Variants in CR2 observed in about 807,000 individuals in gnomAD.
The protein encoded by CR2 is complement receptor type 2.
In CR2, 96 loss-of-function variants were observed where a neutral mutation model predicts 123.0. The observed-to-expected ratio is 0.78, with a 90% confidence interval of 0.66 to 0.93. CR2 has a LOEUF of 0.93. Among genes scored for constraint, CR2 ranks in the 40% least tolerant of loss-of-function variants. The probability of loss-of-function intolerance (pLI) is 0.00; values close to 1 mark genes in which losing one functional copy is unlikely to be tolerated. For synonymous variants in CR2, 484 were observed against 469.5 expected, an observed-to-expected ratio of 1.03 and a Z score of -0.40; for missense variants, 1,258 against 1,361.0, an observed-to-expected ratio of 0.92 and a Z score of 1.19.
At position 207,473,665 on chromosome 1, in the gene CR2, A is replaced by T; in HGVS notation, c.2099A>T (p.Lys700Ile). The change falls in exon 11 of 20, where the codon AAA becomes ATA. Residue 700 changes from lysine to isoleucine, a missense_variant. Lys to Ile is a moderately radical substitution (Grantham distance 102, BLOSUM62 -3). Coordinates refer to ENST00000367057, the MANE Select transcript of CR2 (RefSeq NM_001006658.3). ...CDPGYLLVGN[K>I]SIHCMPSGNW... ...CCTGGCTATTTGCTTGTGGGAAACA[A>T]ATCCATTCACTGTATGCCTTCAGGA... 6.2e-7 allele frequency: 1 copy of T among 1,614,014 alleles called. No individual in the cohort carries two copies. Among genetic ancestry groups the T allele is most frequent in the Non-Finnish European group, 8.5e-7 (1 of 1,179,896 alleles).
chr1:207,488,957 A>G (rs1193222324), intron 19 of CR2, among the ~76,000 whole-genome samples, 185 bp from the exon 20 acceptor site: 1 of 152,204 alleles, frequency 6.6e-6, no homozygotes, highest in Non-Finnish European at 1.5e-5. Flanking sequence ...AAATGTAGTT[A>G]TTTGTTCCAG....
intron 14 of CR2, 115 bp downstream of exon 14, chr1:207,475,331 A>G (rs1223345915): frequency 8.8e-7 from 1 of 1,141,724 alleles, no homozygotes; most frequent in Admixed American, 2.4e-5. Context: ...TAAGGCAGTT[A>G]TATTGTTTTA....
rs900242493 is a variant in CR2, at chr1:207,464,530, GCACCA to G, written c.59-1995_59-1991del. Among the ~76,000 whole-genome samples the G allele has an allele frequency of 2.6e-5, 4 of 152,224 alleles. 1 individual carries two copies. The highest frequency in any genetic ancestry group is 9.6e-5 in the African/African-American group (4 of 41,460). On this transcript the variant is annotated intron_variant, in intron 1 of 19. Coordinates refer to ENST00000367057, the MANE Select transcript of CR2 (RefSeq NM_001006658.3). The stretch of plus-strand genomic sequence containing the variant: ...CTCTTGGATGAGAAGTCAATGCATT[GCACCA>G]GCAAAGATAATCAAGTTGATGTCTG...
At position 207,466,780 on chromosome 1, in the gene CR2, T is replaced by A. The variant is rs1658112179; in HGVS notation, c.313T>A (p.Ser105Thr). The change falls in exon 2 of 20, where the codon TCT becomes ACT. Residue 105 changes from serine to threonine, a missense_variant. Physicochemically the swap from Ser to Thr is moderately conservative, Grantham distance 58 (BLOSUM62 1). Coordinates refer to ENST00000367057, the MANE Select transcript of CR2 (RefSeq NM_001006658.3). Reference protein sequence around the residue: ...IVPGGYKIRGSTPYRHGDSVT... With the variant: ...IVPGGYKIRGTTPYRHGDSVT... ...ACCAGGAGGATACAAAATTAGAGGCTCTACACCCTACAGACATGGTGATTC... is the reference window on the plus strand; with the variant it reads ...ACCAGGAGGATACAAAATTAGAGGCACTACACCCTACAGACATGGTGATTC... 6.2e-7 allele frequency: 1 copy of A among 1,614,132 alleles called. No homozygotes were observed. The highest frequency in any genetic ancestry group is 8.5e-7 in the Non-Finnish European group (1 of 1,179,988).
chr1:207,482,182 A>T (rs965517076), intron 18 of CR2, among the ~76,000 whole-genome samples: 1 of 152,174 alleles, frequency 6.6e-6, no homozygotes, highest in Non-Finnish European at 1.5e-5. Context: ...ATTTAAAATC[A>T]CTGAAAAATC....
intron 17 of CR2, 117 bp from the exon 18 acceptor site, chr1:207,479,861 A>G: frequency 1.3e-6 from 1 of 762,850 alleles, no homozygotes. Flanking sequence ...GTCCAAGAAG[A>G]GTTAAGTATG....
Position 207,470,186 on chromosome 1 carries a change from C to T in CR2, c.1225+84C>T, listed in dbSNP as rs1041809224. The stretch of plus-strand genomic sequence containing the variant: ...AGGGGTTGTGGGCTTTAGGTAGGGC[C>T]TTGTCCAGTTTATACTTCCCTCAAA... On this transcript the variant is annotated intron_variant, in intron 6 of 19. Coordinates refer to ENST00000367057, the MANE Select transcript of CR2 (RefSeq NM_001006658.3). 11 of 1,512,498 alleles carry T rather than the reference C, an allele frequency of 7.3e-6. No individual in the cohort carries two copies. In the African/African-American group the frequency reaches 1.4e-4, roughly 19 times the overall value. 93.7% of individuals were successfully genotyped at this position (1,512,498 alleles called of 1,614,324 possible).
chr1:207,474,338 A>G lies in CR2; in HGVS notation c.2323+15A>G. The G allele has an allele frequency of 6.3e-7, 1 of 1,575,572 alleles. No homozygotes were observed. Among genetic ancestry groups the G allele is most frequent in the South Asian group, 1.1e-5 (1 of 90,228 alleles). On this transcript the variant is annotated intron_variant, in intron 13 of 19. Coordinates refer to ENST00000367057, the MANE Select transcript of CR2 (RefSeq NM_001006658.3). ...ACTTTGTAAAGGTAAGTTAGAAAAAATAAAAGCCTGACAATGGTAATGGAG... is the reference window on the plus strand; with the variant it reads ...ACTTTGTAAAGGTAAGTTAGAAAAAGTAAAAGCCTGACAATGGTAATGGAG...
chr1:207,473,231 T>C (rs1314084826), intron 10 of CR2, 52 bp downstream of exon 10: 1 of 1,598,168 alleles, frequency 6.3e-7, no homozygotes, highest in Non-Finnish European at 8.5e-7. Context: ...ATTATTCTTG[T>C]TTATTATCTC....
In CR2 at chr1:207,469,719, C is replaced by T. The variant is rs1318931912; in HGVS notation, c.842C>T (p.Pro281Leu). The T allele has an allele frequency of 1.2e-6, 2 of 1,613,884 alleles. No homozygotes were observed. The highest frequency in any genetic ancestry group is 1.7e-4 in the Middle Eastern group (1 of 6,060). Reference protein sequence around the residue: ...CEEIFCPSPPPILNGRHIGNS... With the variant: ...CEEIFCPSPPLILNGRHIGNS... Reference sequence around the variant, plus strand: ...GAAATTTTTTGCCCATCACCTCCCCCTATTCTCAATGGAAGACATATAGGC... The same window carrying T: ...GAAATTTTTTGCCCATCACCTCCCCTTATTCTCAATGGAAGACATATAGGC... Residue 281 changes from proline to leucine, a missense_variant, in exon 6 of 20, where the codon CCT becomes CTT. By Grantham distance (98) the Pro-to-Leu change is moderately conservative. Coordinates refer to ENST00000367057, the MANE Select transcript of CR2 (RefSeq NM_001006658.3).
chr1:207,474,405 C>T, intron 13 of CR2, 82 bp downstream of exon 13: 2 of 1,014,502 alleles, frequency 2.0e-6, no homozygotes, highest in Non-Finnish European at 3.1e-6. Context: ...TCTACTGCTG[C>T]TTCAGCAGTC....
rs1348435071 is a variant in CR2, at chr1:207,470,053, A to G, written c.1176A>G (p.Arg392=). 25 of 1,613,970 alleles carry G rather than the reference A, an allele frequency of 1.5e-5. No homozygotes were observed. Among genetic ancestry groups the G allele is most frequent in the Non-Finnish European group, 2.1e-5 (25 of 1,179,896 alleles). ...CCTTGAAGGGCAGCAAGCAAATCCGATGCAATGCCCAAGGCACATGGGAGC... is the reference window on the plus strand; with the variant it reads ...CCTTGAAGGGCAGCAAGCAAATCCGGTGCAATGCCCAAGGCACATGGGAGC... ...GFTLKGSKQI[R]CNAQGTWEPS... Residue 392 remains arginine, a synonymous_variant, in exon 6 of 20, where the codon CGA becomes CGG. Transcript: ENST00000367057.
Position 207,466,534 on chromosome 1 carries a change from T to C in CR2, c.67T>C (p.Cys23Arg), listed in dbSNP as rs749326100. 13 of 1,613,992 alleles carry C rather than the reference T, an allele frequency of 8.1e-6. No individual in the cohort carries two copies. The highest frequency in any genetic ancestry group is 7.6e-6 in the Non-Finnish European group (9 of 1,179,992). ...LVAPGVLGIS[C>R]GSPPPILNGR... ...CCTTTTCTACTTTTCAGGGATTTCT[T>C]GTGGCTCTCCTCCGCCTATCCTAAA... Residue 23 changes from cysteine (C) to arginine (R), a missense_variant, in exon 2 of 20, where the codon TGT (cysteine) becomes CGT (arginine). Transcript: ENST00000367057.
Position 207,454,618 on chromosome 1 carries a change from A to G in CR2, c.58+142A>G, listed in dbSNP as rs1657783729. The G allele has an allele frequency of 1.5e-6, 1 of 668,968 alleles. No individual in the cohort carries two copies. The highest frequency in any genetic ancestry group is 2.5e-6 in the Non-Finnish European group (1 of 405,708). The allele number at this position is 668,968 out of a possible 1,614,324, so 41.4% of individuals were successfully genotyped here. On this transcript the variant is annotated intron_variant, in intron 1 of 19. Coordinates refer to ENST00000367057, the MANE Select transcript of CR2 (RefSeq NM_001006658.3). The surrounding 1 kb of genome is among the most constrained non-coding windows in gnomAD (Gnocchi z 4.3). ...GTCCGCCTCCCGCTAGCTTTGAGGGACCACTGCAATAAACCGCCTGGTCCT... is the reference window on the plus strand; with the variant it reads ...GTCCGCCTCCCGCTAGCTTTGAGGGGCCACTGCAATAAACCGCCTGGTCCT...
chr1:207,475,209 CA>C lies in CR2; in HGVS notation c.2715del (p.Ala906ProfsTer3). On this transcript the variant is annotated frameshift_variant, in exon 14 of 20. Transcript: ENST00000367057. LOFTEE classifies it high-confidence loss of function. The part of the protein sequence containing the change: ...TWVPGVPTCI[K>X]KAFIGCPPPP... The stretch of plus-strand genomic sequence containing the variant: ...GGGTGCCAGGTGTGCCAACTTGTAT[CA>C]AAAAAGGTAAGATACTTGGAAGGGA... 1 of 1,611,490 alleles carries C rather than the reference CA, an allele frequency of 6.2e-7. No homozygotes were observed. Among genetic ancestry groups the C allele is most frequent in the Non-Finnish European group, 8.5e-7 (1 of 1,179,142 alleles).
intron 13 of CR2, 39 bp from the exon 14 acceptor site, chr1:207,474,785 G>A (rs770301088): frequency 6.2e-6 from 10 of 1,609,524 alleles, no homozygotes; most frequent in Non-Finnish European, 7.7e-6. Flanking sequence ...TCACCTTGAG[G>A]TACTAGCTGA....
intron 19 of CR2, among the ~76,000 whole-genome samples, chr1:207,488,218 TGAAGA>T (rs1194570985): frequency 1.3e-5 from 2 of 152,292 alleles, no homozygotes; most frequent in East Asian, 3.9e-4. Context: ...AATATCAAGA[TGAAGA>T]AATAATATCC....
chr1:207,470,068 C>T lies in CR2; in HGVS notation c.1191C>T (p.Gly397=). 6.2e-7 allele frequency: 1 copy of T among 1,613,876 alleles called. No homozygotes were observed. Among genetic ancestry groups the T allele is most frequent in the Non-Finnish European group, 8.5e-7 (1 of 1,179,880 alleles). ...GSKQIRCNAQ[G]TWEPSAPVCE... is the part of the protein sequence containing the mutation. ...AGCAAATCCGATGCAATGCCCAAGG[C>T]ACATGGGAGCCATCTGCACCAGTCT... The change falls in exon 6 of 20, where the codon GGC becomes GGT. Residue 397 remains glycine (G), a synonymous_variant. Coordinates refer to ENST00000367057, the MANE Select transcript of CR2 (RefSeq NM_001006658.3).
At chr1:207,477,008 A>G (rs1478461253) in intron 15 of CR2, among the ~76,000 whole-genome samples, 1 of 152,216 alleles carries the variant, frequency 6.6e-6, no homozygotes, top group Non-Finnish European at 1.5e-5. Flanking sequence ...TGTTTTATAG[A>G]TGAGGTTTCA....
Sources: allele counts gnomAD v4.1 joint callset (sites outside exome capture counted in the v4.1 genomes callset), GRCh38; gene constraint gnomAD v4.1.1; non-coding constraint Gnocchi (gnomAD v3.1); transcripts MANE v1.5; gene names NCBI Gene and HGNC (gene_info 2026-07-23, HGNC 2026-07-21).